Variants in EMILIN2 observed in about 807,000 individuals in gnomAD.
EMILIN2 encodes EMILIN-2.
EMILIN2 carries 71 observed loss-of-function variants against 87.1 expected under a neutral mutation model. The observed-to-expected ratio is 0.82, with a 90% CI of 0.67 to 0.99. EMILIN2 has a LOEUF of 0.99. Among genes scored for constraint, EMILIN2 ranks in the 50% least tolerant of loss-of-function variants. The pLI, the probability that EMILIN2 is intolerant of heterozygous loss-of-function variation, is 0.00. For missense variants in EMILIN2, 1,407 were observed against 1,371.8 expected (o/e 1.03, Z -0.40); for synonymous variants, 581 against 563.4 (o/e 1.03, Z -0.44).
chr18:2,904,276 T>A (rs1036815519), intron 4 of EMILIN2, among the ~76,000 whole-genome samples: 3 of 152,248 alleles, frequency 2.0e-5, no homozygotes, highest in Admixed American at 6.5e-5. Context: ...GTTCTGAATG[T>A]GGCTTGGTTT....
At chr18:2,912,923 A>C in intron 7 of EMILIN2, 144 bp from the exon 8 acceptor site, 1 of 819,202 alleles carries the variant, frequency 1.2e-6, no homozygotes, top group South Asian at 1.7e-5. Flanking sequence ...CATAAAAAGC[A>C]GCTGAGGCAG....
At chr18:2,872,384 G>C (rs1292055986) in intron 2 of EMILIN2, among the ~76,000 whole-genome samples, 1 of 152,076 alleles carries the variant, frequency 6.6e-6, no homozygotes, top group Admixed American at 6.6e-5. Context: ...CTTTGAAATT[G>C]GTTTTTTTAA....
At chr18:2,854,271 A>T (rs1429391820) in intron 2 of EMILIN2, among the ~76,000 whole-genome samples, 1 of 152,086 alleles carries the variant, frequency 6.6e-6, no homozygotes, top group South Asian at 2.1e-4. Flanking sequence ...TTTTCTAAAA[A>T]GATCTTACCA....
At position 2,875,753 on chromosome 18, in the gene EMILIN2, C is replaced by T. The variant is rs183689370; in HGVS notation, c.258-9211C>T. ...TGTGAGTTTGCTCAGAAGGAAGGTACGGCTCTCCTAGCAAATCTAAGAATA... is the reference window on the plus strand; with the variant it reads ...TGTGAGTTTGCTCAGAAGGAAGGTATGGCTCTCCTAGCAAATCTAAGAATA... On this transcript the variant is annotated intron_variant, in intron 2 of 7. Transcript: ENST00000254528. Among the ~76,000 whole-genome samples, 52 of 152,322 alleles carry T rather than the reference C, an allele frequency of 3.4e-4. 1 individual carries two copies. The highest frequency in any genetic ancestry group is 2.0e-4 in the Admixed American group (3 of 15,308).
At position 2,913,083 on chromosome 18, in the gene EMILIN2, T is replaced by A. The variant is rs754875977; in HGVS notation, c.2841T>A (p.Pro947=). 68 of 1,610,396 alleles carry A rather than the reference T, an allele frequency of 4.2e-5. No homozygotes were observed. The highest frequency in any genetic ancestry group is 5.7e-5 in the Non-Finnish European group (67 of 1,179,974). The change falls in exon 8 of 8, where the codon CCT becomes CCA. Residue 947 remains proline, a synonymous_variant. Coordinates refer to ENST00000254528, the MANE Select transcript of EMILIN2 (RefSeq NM_032048.3). ...YNPSTGVFTA[P]YDGRYLITAT... ...TCCCCGCAGGGGTCTTCACGGCTCC[T>A]TATGATGGGCGCTACCTGATCACGG...
rs56299820 is a variant in EMILIN2 at position 2,912,030 on chromosome 18, C to G, written c.2825-1037C>G. Among the ~76,000 whole-genome samples the G allele has an allele frequency of 4.4e-3, 537 of 123,198 alleles. 4 individuals are homozygous for G. Among genetic ancestry groups the G allele is most frequent in the African/African-American group, 0.015 (499 of 32,870 alleles). The allele number at this position is 123,198 out of a possible 152,430, so 80.8% of individuals were successfully genotyped here. ...ATTGAAGGCTTGGGCTCCTGACAACCACTTTTTTTTTTTTTTTTTTTTTTT... is the reference window on the plus strand; with the variant it reads ...ATTGAAGGCTTGGGCTCCTGACAACGACTTTTTTTTTTTTTTTTTTTTTTT... On this transcript the variant is annotated intron_variant, in intron 7 of 7. Transcript: ENST00000254528.
At position 2,892,478 on chromosome 18, in the gene EMILIN2, C is replaced by A. The variant is rs768923857; in HGVS notation, c.2351C>A (p.Pro784Gln). Residue 784 changes from proline to glutamine, a missense_variant, in exon 4 of 8, where the codon CCA becomes CAA. By Grantham distance (76) the Pro-to-Gln change is moderately conservative. Coordinates refer to ENST00000254528, the MANE Select transcript of EMILIN2 (RefSeq NM_032048.3). ...TTGCAAGATCTGGTCAAATTTCAGC[C>A]ATCAGCAAGTAAGTTGAATATTACA... The part of the protein sequence containing the change: ...TDLQDLVKFQ[P>Q]SAKAPSPPPP... 1.9e-6 allele frequency: 3 copies of A among 1,587,962 alleles called. No individual in the cohort carries two copies. The South Asian group carries it at 3.3e-5, about 18-fold the overall frequency.
chr18:2,854,010 G>A (rs1426012376), intron 2 of EMILIN2, among the ~76,000 whole-genome samples: 1 of 152,190 alleles, frequency 6.6e-6, no homozygotes, highest in Non-Finnish European at 1.5e-5. Flanking sequence ...AGTATTGGGG[G>A]CTTTGGGAGG....
At chr18:2,906,712 G>A (rs2144069086) in intron 4 of EMILIN2, 71 bp from the exon 5 acceptor site, 5 of 1,148,768 alleles carry the variant, frequency 4.4e-6, no homozygotes, top group Non-Finnish European at 5.5e-6. Flanking sequence ...CTCATGGAGG[G>A]GACCCTGACG....
At position 2,914,513 on chromosome 18, in the gene EMILIN2, AC is replaced by A. The variant is rs1441475313; in HGVS notation, c.*1110del. The A allele has an allele frequency of 1.3e-5, 2 of 152,154 alleles. No homozygotes were observed. Among genetic ancestry groups the A allele is most frequent in the Admixed American group, 6.5e-5 (1 of 15,268 alleles). The allele number at this position is 152,154 out of a possible 1,614,324, so 9.4% of individuals were successfully genotyped here. ...GAACACGGCATCTTCACACAGCGAG[AC>A]GCCTCCACTGAGGGGAGGCCCGGGA... On this transcript the variant is annotated 3_prime_UTR_variant, in exon 8 of 8. Transcript: ENST00000254528.
At chr18:2,863,791 C>T (rs112095677) in intron 2 of EMILIN2, among the ~76,000 whole-genome samples, 15,983 of 152,038 alleles carry the variant, frequency 0.11, 2,811 homozygotes, top group African/African-American at 0.36. Context: ...CTTTCTGTCT[C>T]GTTGATCTGT....
At position 2,914,323 on chromosome 18, in the gene EMILIN2, G is replaced by A. The variant is rs1191113032; in HGVS notation, c.*919G>A. On this transcript the variant is annotated 3_prime_UTR_variant, in exon 8 of 8. Coordinates refer to ENST00000254528, the MANE Select transcript of EMILIN2 (RefSeq NM_032048.3). ...CATCTGCAGCTGGAGCGGCTCCTCTGGGGATGCTGCACTCAGATCCCACAG... is the reference window on the plus strand; with the variant it reads ...CATCTGCAGCTGGAGCGGCTCCTCTAGGGATGCTGCACTCAGATCCCACAG... 6.6e-6 allele frequency: 1 copy of A among 152,172 alleles called. No individual in the cohort carries two copies. The highest frequency in any genetic ancestry group is 2.4e-5 in the African/African-American group (1 of 41,422). 9.4% of individuals were successfully genotyped at this position (152,172 alleles called of 1,614,324 possible). A position where few individuals can be genotyped will look rare whatever the true frequency, so the allele number is the denominator to read the frequency against.
chr18:2,902,770 G>A (rs977675094), intron 4 of EMILIN2, among the ~76,000 whole-genome samples: 2 of 152,148 alleles, frequency 1.3e-5, no homozygotes, highest in South Asian at 2.1e-4. Context: ...TGTGAATGAA[G>A]GATCCAAGCA....
Position 2,848,605 on chromosome 18 carries a change from A to C in EMILIN2, c.257+674A>C, listed in dbSNP as rs748869833. ...GATTTCCCCATCTTAAAAAAAAAAA[A>C]AAACAGGAAGCAATGCAATAAAGTA... On this transcript the variant is annotated intron_variant, in intron 2 of 7. Coordinates refer to ENST00000254528, the MANE Select transcript of EMILIN2 (RefSeq NM_032048.3). The surrounding 1 kb of genome is among the most constrained non-coding windows in gnomAD (Gnocchi z 4.1). Among the ~76,000 whole-genome samples the C allele has an allele frequency of 6.6e-6, 1 of 152,012 alleles. No homozygotes were observed. Among genetic ancestry groups the C allele is most frequent in the Non-Finnish European group, 1.5e-5 (1 of 67,998 alleles).
intron 7 of EMILIN2, 79 bp downstream of exon 7, chr18:2,909,898 G>C: frequency 6.4e-7 from 1 of 1,571,222 alleles, no homozygotes; most frequent in South Asian, 1.2e-5. Flanking sequence ...ATGGCTGGCT[G>C]GTTCCCAGCG....
intron 3 of EMILIN2, among the ~76,000 whole-genome samples, chr18:2,889,806 G>GCA (rs1033834405): frequency 6.7e-6 from 1 of 150,288 alleles, no homozygotes; most frequent in Non-Finnish European, 1.5e-5. Flanking sequence ...GAGACTACAG[G>GCA]CACACACCAC....
chr18:2,868,667 G>A (rs982577885), intron 2 of EMILIN2, among the ~76,000 whole-genome samples: 5 of 152,246 alleles, frequency 3.3e-5, no homozygotes, highest in African/African-American at 7.2e-5. Context: ...GTGGGGGCGC[G>A]CGCCTGCAAT....
At chr18:2,868,775 C>G (rs585477) in intron 2 of EMILIN2, among the ~76,000 whole-genome samples, 105,530 of 151,714 alleles carry the variant, frequency 0.7, 37,391 homozygotes, top group African/African-American at 0.83. Context: ...CGGCATCAGA[C>G]GGAGACCGTG....
At chr18:2,902,102 AAGAC>A (rs970789058) in intron 4 of EMILIN2, among the ~76,000 whole-genome samples, 1 of 152,166 alleles carries the variant, frequency 6.6e-6, no homozygotes, top group Non-Finnish European at 1.5e-5. Context: ...ATTATAGTAA[AAGAC>A]AGAATGATCA....
Sources: gnomAD v4.1 joint callset for allele counts (sites outside exome capture counted in the v4.1 genomes callset) on GRCh38, gnomAD v4.1.1 for gene constraint, Gnocchi (gnomAD v3.1) non-coding constraint, MANE v1.5 for transcripts, NCBI Gene and HGNC (gene_info 2026-07-23, HGNC 2026-07-21) for gene names.